CMC2: variants seen among roughly 807,000 people sequenced by gnomAD.
CMC2 encodes C-X9-C motif containing 2, also known as COX assembly mitochondrial protein 2 homolog.
CMC2 carries 5 observed loss-of-function variants against 7.5 expected under a neutral mutation model. That is an observed-to-expected ratio of 0.66 (90% CI 0.35 to 1.40). The LOEUF (loss-of-function observed/expected upper bound fraction) is 1.40. Among genes scored for constraint, CMC2 ranks in the 40% most tolerant of loss-of-function variants. The pLI is 0.04. For missense variants in CMC2, 115 were observed against 92.3 expected (o/e 1.25, Z -1.01); for synonymous variants, 37 against 31.4 (o/e 1.18, Z -0.60).
At chr16:80,976,527 G>A (rs1912374976) in intron 3 of CMC2, among the ~76,000 whole-genome samples, 1 of 152,184 alleles carries the variant, frequency 6.6e-6, no homozygotes, top group African/African-American at 2.4e-5. Context: ...TTCTCCAGGG[G>A]CTTGCAGTCT....
At position 80,972,014 on chromosome 16, in the gene CMC2, C is replaced by T. The variant is rs986648077; in HGVS notation, c.*4079G>A. 6.6e-6 allele frequency: 1 copy of T among 152,306 alleles called. No individual in the cohort carries two copies. The highest frequency in any genetic ancestry group is 1.5e-5 in the Non-Finnish European group (1 of 68,104). 9.4% of individuals were successfully genotyped at this position (152,306 alleles called of 1,614,324 possible). On this transcript the variant is annotated 3_prime_UTR_variant, in exon 4 of 4. Transcript: ENST00000219400. ...CTACTGTCAGTCTTGTTCTCCATCTCCTGTCCTCCCATGTGACCAGCTGCC... is the reference window on the plus strand; with the variant it reads ...CTACTGTCAGTCTTGTTCTCCATCTTCTGTCCTCCCATGTGACCAGCTGCC...
rs1911755911 is a variant in CMC2 at position 80,969,234 on chromosome 16, T to C, written c.*6859A>G. 1 of 152,052 alleles carries C rather than the reference T, an allele frequency of 6.6e-6. No homozygotes were observed. The highest frequency in any genetic ancestry group is 2.1e-4 in the South Asian group (1 of 4,808). The allele number at this position is 152,052 out of a possible 1,614,324, so 9.4% of individuals were successfully genotyped here. On this transcript the variant is annotated 3_prime_UTR_variant, in exon 4 of 4. Coordinates refer to ENST00000219400, the MANE Select transcript of CMC2 (RefSeq NM_020188.5). ...TAACCCTCATATCCCAAAATACAAA[T>C]GAGTGAGGTGAGGACAGAGCATCAA...
intron 3 of CMC2, 123 bp downstream of exon 3, chr16:80,981,683 T>C (rs1458002216): frequency 6.5e-6 from 4 of 613,652 alleles, no homozygotes; most frequent in African/African-American, 1.9e-5. Context: ...AGTTCATACA[T>C]GTAAAGTCAA....
At position 80,997,304 on chromosome 16, in the gene CMC2, G is replaced by A. The variant is rs1441912586; in HGVS notation, c.81+10C>T. 3 of 925,838 alleles carry A rather than the reference G, an allele frequency of 3.2e-6. No homozygotes were observed. Among genetic ancestry groups the A allele is most frequent in the Admixed American group, 1.8e-5 (1 of 55,200 alleles). The allele number at this position is 925,838 out of a possible 1,614,324, so 57.4% of individuals were successfully genotyped here. ...ATTTTGGCTGTACAGTCGTTTTTCT[G>A]AACTCTTACATTTTTGTGACATTCC... is the stretch of plus-strand genomic sequence containing the variant. On this transcript the variant is annotated intron_variant, in intron 2 of 3. Coordinates refer to ENST00000219400, the MANE Select transcript of CMC2 (RefSeq NM_020188.5).
chr16:80,977,472 A>C (rs1912542846), intron 3 of CMC2, among the ~76,000 whole-genome samples: 1 of 152,222 alleles, frequency 6.6e-6, no homozygotes, highest in Non-Finnish European at 1.5e-5. Flanking sequence ...AAACAGAAAA[A>C]ACTGAAAACA....
intron 2 of CMC2, among the ~76,000 whole-genome samples, chr16:80,985,754 G>A (rs17670718): frequency 6.6e-6 from 1 of 151,810 alleles, no homozygotes; most frequent in Non-Finnish European, 1.5e-5. Flanking sequence ...AAAGGGAAAA[G>A]GAAACGACCA....
chr16:81,001,754 A>G (rs893080795), intron 1 of CMC2, among the ~76,000 whole-genome samples: 15 of 152,198 alleles, frequency 9.9e-5, no homozygotes, highest in African/African-American at 3.4e-4. Context: ...GTCTGAACAA[A>G]TAATTCCAAA....
chr16:80,981,227 A>T (rs749141718), intron 3 of CMC2, among the ~76,000 whole-genome samples: 2 of 151,514 alleles, frequency 1.3e-5, no homozygotes, highest in Non-Finnish European at 3.0e-5. Context: ...TTTAAAATGC[A>T]CTCTGCTTAT....
At chr16:80,980,927 C>T (rs778424686) in intron 3 of CMC2, 21 of 651,392 alleles carry the variant, frequency 3.2e-5, no homozygotes, top group South Asian at 1.7e-5. Context: ...TTACTCTTCA[C>T]TGAGTACTCC....
At chr16:81,005,170 T>C (rs2044308270) in intron 1 of CMC2, among the ~76,000 whole-genome samples, 1 of 152,202 alleles carries the variant, frequency 6.6e-6, no homozygotes, top group South Asian at 2.1e-4. Context: ...GGCTCACGCC[T>C]GTAATCCCAC....
intron 2 of CMC2, among the ~76,000 whole-genome samples, chr16:80,987,851 G>A (rs1251494494): frequency 6.6e-6 from 1 of 152,072 alleles, no homozygotes; most frequent in Non-Finnish European, 1.5e-5. Context: ...GACATCTTAG[G>A]TAATATAATT....
intron 2 of CMC2, among the ~76,000 whole-genome samples, chr16:80,993,057 G>C (rs963971035): frequency 9.2e-5 from 14 of 152,158 alleles, no homozygotes; most frequent in African/African-American, 3.1e-4. Context: ...TTTCATTTTT[G>C]ACATTTAGAT....
Position 80,968,629 on chromosome 16 carries a change from C to G in CMC2, c.*7464G>C, listed in dbSNP as rs1212671015. 6.6e-6 allele frequency: 1 copy of G among 152,160 alleles called. No individual in the cohort carries two copies. The highest frequency in any genetic ancestry group is 1.5e-5 in the Non-Finnish European group (1 of 68,046). The allele number at this position is 152,160 out of a possible 1,614,324, so 9.4% of individuals were successfully genotyped here. On this transcript the variant is annotated 3_prime_UTR_variant, in exon 4 of 4. Transcript: ENST00000219400. ...AGGTAAAATTTTATGTACAGGATAT[C>G]TGTTTCTGGTAAAATAGCTCATTAG...
At position 80,975,508 on chromosome 16, in the gene CMC2, A is replaced by C. The variant is rs1441328208; in HGVS notation, c.*585T>G. 1.3e-5 allele frequency: 2 copies of C among 152,250 alleles called. No individual in the cohort carries two copies. Among genetic ancestry groups the C allele is most frequent in the Admixed American group, 6.5e-5 (1 of 15,276 alleles). 9.4% of individuals were successfully genotyped at this position (152,250 alleles called of 1,614,324 possible). ...CTGCGCCTGTAGCCCCAGCTACTAG[A>C]GAGGCTGAGGCTGGAGAATCACTTG... On this transcript the variant is annotated 3_prime_UTR_variant, in exon 4 of 4. Transcript: ENST00000219400.
intron 2 of CMC2, among the ~76,000 whole-genome samples, chr16:80,990,088 CT>C (rs1250386422): frequency 8.3e-6 from 1 of 120,786 alleles, no homozygotes; most frequent in African/African-American, 2.7e-5. Flanking sequence ...TCTGCTCATC[CT>C]TTTTTTCATT....
In CMC2 at chr16:80,971,611, T is replaced by A. The variant is rs1316327512; in HGVS notation, c.*4482A>T. 1 of 146,322 alleles carries A rather than the reference T, an allele frequency of 6.8e-6. No homozygotes were observed. Among genetic ancestry groups the A allele is most frequent in the East Asian group, 2.0e-4 (1 of 5,098 alleles). 9.1% of individuals were successfully genotyped at this position (146,322 alleles called of 1,614,324 possible). ...GTATGAAATCATGCATATATATATA[T>A]GTATGAAATCATGCATGAGAATGAA... On this transcript the variant is annotated 3_prime_UTR_variant, in exon 4 of 4. Transcript: ENST00000219400.
chr16:81,002,638 T>C (rs1368341661), intron 1 of CMC2, among the ~76,000 whole-genome samples: 2 of 152,176 alleles, frequency 1.3e-5, no homozygotes, highest in Admixed American at 1.3e-4. Flanking sequence ...ACAATATTAA[T>C]AGATGCAAAG....
At chr16:80,983,291 G>C (rs925201678) in intron 2 of CMC2, 2 of 152,178 alleles carry the variant, frequency 1.3e-5, no homozygotes, top group Non-Finnish European at 2.9e-5. Context: ...TCAGTGCCCC[G>C]AACTTCCAAG....
chr16:80,984,415 T>A (rs1967365849), intron 2 of CMC2, among the ~76,000 whole-genome samples: 1 of 152,218 alleles, frequency 6.6e-6, no homozygotes, highest in Non-Finnish European at 1.5e-5. Flanking sequence ...TATTTCTTTT[T>A]TTCCTGCTTC....
Sources: gnomAD v4.1 joint callset for allele counts (sites outside exome capture counted in the v4.1 genomes callset) on GRCh38, gnomAD v4.1.1 for gene constraint, MANE v1.5 for transcripts, NCBI Gene and HGNC (gene_info 2026-07-23, HGNC 2026-07-21) for gene names.